The following SPNS3 variants were observed in gnomAD, a reference collection of about 807,000 sequenced individuals.
The protein encoded by SPNS3 is SPNS lysolipid transporter 3, sphingosine-1-phosphate (putative).
A neutral mutation model predicts 54.4 loss-of-function variants in SPNS3; 51 were observed. The ratio of observed to expected loss-of-function variants is 0.94; its 90% CI spans 0.75 to 1.18. SPNS3 has a LOEUF of 1.18. Ranked by LOEUF, SPNS3 falls within the 50% of genes most tolerant of loss-of-function variation. The pLI is 0.00. For synonymous variants in SPNS3, 309 were observed against 294.7 expected (o/e 1.05, Z -0.50); for missense variants, 669 against 677.4 (o/e 0.99, Z 0.14).
In SPNS3 at chr17:4,488,038, ACCCTGT is replaced by A. The variant is rs1972372158; in HGVS notation, c.*145_*150del. On this transcript the variant is annotated 3_prime_UTR_variant, in exon 12 of 12. Transcript: ENST00000355530. ...AATTCCCGGCTGGAGAGCTGGCAGGACCCTGTGGCTGGGCTGGGAATGGAGCTGTCA... is the reference window on the plus strand; with the variant it reads ...AATTCCCGGCTGGAGAGCTGGCAGGAGGCTGGGCTGGGAATGGAGCTGTCA... The A allele has an allele frequency of 1.4e-6, 1 of 709,114 alleles. No individual in the cohort carries two copies. Among genetic ancestry groups the A allele is most frequent in the Non-Finnish European group, 2.4e-6 (1 of 417,192 alleles). 43.9% of individuals were successfully genotyped at this position (709,114 alleles called of 1,614,324 possible). A position where few individuals can be genotyped will look rare whatever the true frequency, so the allele number is the denominator to read the frequency against.
rs142789245 is a variant in SPNS3, at chr17:4,438,719, G to A, written c.200-939G>A. On this transcript the variant is annotated intron_variant, in intron 1 of 11. Transcript: ENST00000355530. ...GTTTGTGCATGAGCGAGGCCACTGT[G>A]CTGTACAGCTCCAGGGACTTCCGTT... Among the ~76,000 whole-genome samples, 1,051 of 152,342 alleles carry A rather than the reference G, an allele frequency of 6.9e-3. 17 individuals are homozygous for A. Among genetic ancestry groups the A allele is most frequent in the African/African-American group, 0.024 (993 of 41,556 alleles).
At chr17:4,443,737 C>T (rs1236390860) in intron 2 of SPNS3, among the ~76,000 whole-genome samples, 1 of 152,162 alleles carries the variant, frequency 6.6e-6, no homozygotes, top group Non-Finnish European at 1.5e-5. Context: ...GTTTCTAATT[C>T]TTAAAACAAA....
At chr17:4,447,574 C>T (rs949244448) in intron 5 of SPNS3, among the ~76,000 whole-genome samples, 1 of 152,090 alleles carries the variant, frequency 6.6e-6, no homozygotes, top group Non-Finnish European at 1.5e-5. Context: ...GGGGAGCTGG[C>T]GTGTGAAGTG....
At chr17:4,441,983 A>ATGTGTGTGTGT (rs3221840) in intron 2 of SPNS3, among the ~76,000 whole-genome samples, 4 of 139,000 alleles carry the variant, frequency 2.9e-5, no homozygotes, top group Non-Finnish European at 6.2e-5. Flanking sequence ...CGGAGGGAGA[A>ATGTGTGTGTGT]GTGTGTGTGT....
chr17:4,471,898 G>A (rs544620248), intron 8 of SPNS3, among the ~76,000 whole-genome samples: 20 of 149,774 alleles, frequency 1.3e-4, no homozygotes, highest in African/African-American at 4.7e-4. Flanking sequence ...TCACTCTGTC[G>A]CCCAAGCTGG....
At chr17:4,462,974 G>C (rs907647493) in intron 8 of SPNS3, among the ~76,000 whole-genome samples, 3 of 151,452 alleles carry the variant, frequency 2.0e-5, no homozygotes, top group South Asian at 2.1e-4. Context: ...GGGGAGACAG[G>C]CTCCAAACTC....
At chr17:4,476,809 T>G (rs1972014140) in intron 8 of SPNS3, among the ~76,000 whole-genome samples, 1 of 152,174 alleles carries the variant, frequency 6.6e-6, no homozygotes, top group Non-Finnish European at 1.5e-5. Flanking sequence ...GGGGCTGGGT[T>G]AGGCCAGGAG....
In SPNS3 at chr17:4,483,362, C is replaced by T. The variant is rs977761382; in HGVS notation, c.1180-2866C>T. On this transcript the variant is annotated intron_variant, in intron 9 of 11. Transcript: ENST00000355530. This position sits in a 1 kb window ranked among gnomAD's most constrained non-coding sequence, Gnocchi z 4.2. Reference sequence around the variant, plus strand: ...CAAAGCCTCTTATTTCTGAAATTACCCCCTGGGCTCTCCAGCTTCTGTGGG... The same window carrying T: ...CAAAGCCTCTTATTTCTGAAATTACTCCCTGGGCTCTCCAGCTTCTGTGGG... The T allele has an allele frequency of 3.3e-5, 5 of 152,372 alleles. No individual in the cohort carries two copies. The highest frequency in any genetic ancestry group is 4.1e-4 in the South Asian group (2 of 4,832). The allele number at this position is 152,372 out of a possible 1,614,324, so 9.4% of individuals were successfully genotyped here.
In SPNS3 at chr17:4,448,237, AG is replaced by A; in HGVS notation, c.709del (p.Glu237ArgfsTer31). 6.2e-7 allele frequency: 1 copy of A among 1,600,278 alleles called. No individual in the cohort carries two copies. Among genetic ancestry groups the A allele is most frequent in the Admixed American group, 1.8e-5 (1 of 56,898 alleles). ...PDPPRGAAETQGEGAVGGFRS... is the reference protein window; with the variant it reads ...PDPPRGAAETXGEGAVGGFRS... Reference sequence around the variant, plus strand: ...CCACCCCGGGGAGCTGCCGAGACACAGGGGGAGGGGGCCGTGGGAGGCTTCA... The same window carrying A: ...CCACCCCGGGGAGCTGCCGAGACACAGGGGAGGGGGCCGTGGGAGGCTTCA... On this transcript the variant is annotated frameshift_variant, in exon 6 of 12. Coordinates refer to ENST00000355530, the MANE Select transcript of SPNS3 (RefSeq NM_182538.5). LOFTEE classifies it high-confidence loss of function.
At chr17:4,447,019 C>G (rs1597309016) in intron 5 of SPNS3, 57 bp downstream of exon 5, 1 of 1,599,914 alleles carries the variant, frequency 6.3e-7, no homozygotes, top group South Asian at 1.1e-5. Flanking sequence ...CAGGGACTTT[C>G]CAGCCTTGGG....
intron 2 of SPNS3, among the ~76,000 whole-genome samples, chr17:4,441,824 A>G (rs1970855661): frequency 6.6e-6 from 1 of 151,940 alleles, no homozygotes; most frequent in Non-Finnish European, 1.5e-5. Flanking sequence ...CATGTTGGCC[A>G]GGCTGGTCTC....
chr17:4,434,871 C>T (rs965611145), intron 1 of SPNS3, among the ~76,000 whole-genome samples: 5 of 149,720 alleles, frequency 3.3e-5, no homozygotes, highest in African/African-American at 4.9e-5. Flanking sequence ...GTGGCGCGAT[C>T]TCGGCTCACT....
At chr17:4,477,570 G>A (rs996535384) in intron 8 of SPNS3, among the ~76,000 whole-genome samples, 7 of 152,296 alleles carry the variant, frequency 4.6e-5, no homozygotes, top group African/African-American at 1.7e-4. Flanking sequence ...CCCTTGGCAC[G>A]AGGTGAAGGC....
At chr17:4,453,348 G>A (rs1567560803) in intron 8 of SPNS3, 143 bp downstream of exon 8, 1 of 809,070 alleles carries the variant, frequency 1.2e-6, no homozygotes, top group Non-Finnish European at 1.9e-6. Context: ...CCATTTTACA[G>A]ATCAGTAAAG....
intron 8 of SPNS3, among the ~76,000 whole-genome samples, chr17:4,476,103 G>A (rs1180213554): frequency 6.6e-6 from 1 of 152,250 alleles, no homozygotes; most frequent in Non-Finnish European, 1.5e-5. Context: ...CCCCTTGGCT[G>A]TGGAGCCCCT....
intron 8 of SPNS3, among the ~76,000 whole-genome samples, chr17:4,474,294 C>G (rs1239969050): frequency 1.3e-5 from 2 of 152,220 alleles, no homozygotes; most frequent in Non-Finnish European, 2.9e-5. Context: ...TACAGGTTGG[C>G]AAGTCCAGGG....
chr17:4,458,781 G>A (rs774268738), intron 8 of SPNS3, among the ~76,000 whole-genome samples: 3 of 151,382 alleles, frequency 2.0e-5, no homozygotes, highest in Admixed American at 1.3e-4. Context: ...TGCCTCCCGA[G>A]TAGCTGGAAT....
chr17:4,487,273 G>A (rs1972347843), intron 11 of SPNS3, among the ~76,000 whole-genome samples: 1 of 151,918 alleles, frequency 6.6e-6, no homozygotes. Context: ...GAGGGAGTGA[G>A]CCGTTCAGCG....
intron 8 of SPNS3, among the ~76,000 whole-genome samples, chr17:4,470,627 C>T (rs78108103): frequency 0.015 from 2,344 of 152,148 alleles, 20 homozygotes; most frequent in Middle Eastern, 0.031. Flanking sequence ...CTCCCCAGCC[C>T]GGGCCCTAGG....
Sources: gnomAD v4.1 joint callset for allele counts (sites outside exome capture counted in the v4.1 genomes callset) on GRCh38, gnomAD v4.1.1 for gene constraint, Gnocchi (gnomAD v3.1) non-coding constraint, MANE v1.5 for transcripts, NCBI Gene and HGNC (gene_info 2026-07-23, HGNC 2026-07-21) for gene names.